CDH13: variants seen among roughly 807,000 people sequenced by gnomAD.
The protein encoded by CDH13 is cadherin-13.
In CDH13, 24 loss-of-function variants were observed where a neutral mutation model predicts 63.8. That is an observed-to-expected ratio of 0.38 (90% CI 0.27 to 0.53). CDH13 has a LOEUF of 0.53. Among genes scored for constraint, CDH13 ranks in the 20% least tolerant of loss-of-function variants. The pLI is 0.85. For missense variants in CDH13, 1,049 were observed against 903.1 expected, an observed-to-expected ratio of 1.16 and a Z score of -2.07; for synonymous variants, 503 against 355.3, an observed-to-expected ratio of 1.42 and a Z score of -4.67.
chr16:82,636,955 T>C (rs183816458), intron 1 of CDH13, among the ~76,000 whole-genome samples: 3 of 152,284 alleles, frequency 2.0e-5, no homozygotes, highest in East Asian at 3.9e-4. Context: ...ACCCCCTCAC[T>C]CGTGGTATGA....
In CDH13 at chr16:83,226,660, G is replaced by A. The variant is rs374985052; in HGVS notation, c.636+9163G>A. Among the ~76,000 whole-genome samples the A allele has an allele frequency of 1.1e-4, 16 of 152,274 alleles. No homozygotes were observed. The East Asian group carries it at 1.4e-3, about 13-fold the overall frequency. ...GGCGGCATTTTCTTTCCCAAGGTGC[G>A]GAAGCATCGCAATACATTGGGACTG... On this transcript the variant is annotated intron_variant, in intron 5 of 13. Transcript: ENST00000567109.
At chr16:83,364,107 G>A (rs911337940) in intron 6 of CDH13, among the ~76,000 whole-genome samples, 2 of 152,154 alleles carry the variant, frequency 1.3e-5, no homozygotes, top group African/African-American at 4.8e-5. Context: ...AAATGTCAAC[G>A]CAAGAATTTT....
intron 1 of CDH13, among the ~76,000 whole-genome samples, chr16:82,667,613 C>A (rs551601845): frequency 1.3e-5 from 2 of 152,158 alleles, no homozygotes; most frequent in Admixed American, 6.5e-5. Flanking sequence ...TCTGATGTCA[C>A]GTTGCCCCTA....
chr16:82,640,972 AG>A (rs1356243258), intron 1 of CDH13, among the ~76,000 whole-genome samples: 1 of 152,182 alleles, frequency 6.6e-6, no homozygotes, highest in Non-Finnish European at 1.5e-5. Flanking sequence ...AATTGGGTTC[AG>A]GGGGTTAAGT....
intron 1 of CDH13, among the ~76,000 whole-genome samples, chr16:82,777,371 G>A (rs528628890): frequency 8.5e-5 from 13 of 152,176 alleles, no homozygotes; most frequent in Non-Finnish European, 1.5e-4. Flanking sequence ...ACTAAACCCA[G>A]TTCCTTTGGG....
chr16:83,271,684 C>T (rs562426302), intron 5 of CDH13, among the ~76,000 whole-genome samples: 3 of 151,974 alleles, frequency 2.0e-5, no homozygotes, highest in East Asian at 1.9e-4. Flanking sequence ...CACTTGTGAG[C>T]CAGCATTATT....
chr16:83,260,937 A>G (rs1472630786), intron 5 of CDH13, among the ~76,000 whole-genome samples: 1 of 152,110 alleles, frequency 6.6e-6, no homozygotes, highest in Non-Finnish European at 1.5e-5. Context: ...GCGGCCATGT[A>G]TCGGGGGAGC....
chr16:83,625,616 C>G (rs1460420766), intron 8 of CDH13, among the ~76,000 whole-genome samples: 1 of 152,176 alleles, frequency 6.6e-6, no homozygotes, highest in Admixed American at 6.5e-5. Flanking sequence ...TTGTGCCGCT[C>G]TTTTTCCTCC....
At chr16:82,891,992 T>C (rs2041097325) in intron 2 of CDH13, among the ~76,000 whole-genome samples, 1 of 152,188 alleles carries the variant, frequency 6.6e-6, no homozygotes, top group Admixed American at 6.5e-5. Flanking sequence ...TCTTGCCCAG[T>C]TGGGGCTGCA....
intron 6 of CDH13, among the ~76,000 whole-genome samples, chr16:83,424,291 G>C (rs113627268): frequency 1.1e-4 from 17 of 150,266 alleles, no homozygotes; most frequent in East Asian, 3.9e-4. Context: ...ACATGGACTG[G>C]ACAGTCTAGA....
At chr16:83,141,488 A>T (rs1398375387) in intron 4 of CDH13, among the ~76,000 whole-genome samples, 5 of 152,062 alleles carry the variant, frequency 3.3e-5, no homozygotes, top group African/African-American at 9.7e-5. Context: ...GTGTTCTTAG[A>T]GGTTGATTTT....
chr16:83,218,287 C>A (rs1237743359), intron 5 of CDH13, among the ~76,000 whole-genome samples: 1 of 152,176 alleles, frequency 6.6e-6, no homozygotes, highest in Admixed American at 6.5e-5. Flanking sequence ...AAAGTCCCCA[C>A]CCTCCAGCAG....
chr16:83,716,193 T>A (rs1048576739), intron 10 of CDH13, among the ~76,000 whole-genome samples: 3 of 152,022 alleles, frequency 2.0e-5, no homozygotes, highest in East Asian at 3.9e-4. Flanking sequence ...CCCCCACACA[T>A]GCACAGCCTC....
chr16:83,518,117 T>G (rs1450775113), intron 7 of CDH13, among the ~76,000 whole-genome samples: 1 of 150,186 alleles, frequency 6.7e-6, no homozygotes, highest in East Asian at 2.0e-4. Context: ...CTCATGATAA[T>G]GAGTGAGATA....
intron 8 of CDH13, among the ~76,000 whole-genome samples, chr16:83,634,866 T>C (rs942480225): frequency 2.0e-5 from 3 of 152,210 alleles, no homozygotes; most frequent in African/African-American, 7.2e-5. Flanking sequence ...TGTTGCTAGA[T>C]TGAAGCTACT....
At chr16:83,634,154 T>TGTGC (rs1911043865) in intron 8 of CDH13, among the ~76,000 whole-genome samples, 1 of 149,416 alleles carries the variant, frequency 6.7e-6, no homozygotes, top group Non-Finnish European at 1.5e-5. Flanking sequence ...TGTGTGTGTG[T>TGTGC]GTGTGTGGTC....
intron 3 of CDH13, among the ~76,000 whole-genome samples, chr16:83,095,941 G>C (rs777570272): frequency 4.6e-5 from 7 of 152,192 alleles, no homozygotes; most frequent in Non-Finnish European, 1.0e-4. Flanking sequence ...CAGGGGATCT[G>C]TTCAAGTTCA....
At chr16:82,998,343 C>T (rs1366972551) in intron 2 of CDH13, among the ~76,000 whole-genome samples, 1 of 152,110 alleles carries the variant, frequency 6.6e-6, no homozygotes, top group Non-Finnish European at 1.5e-5. Flanking sequence ...AAGAACATAG[C>T]AAAAAAGCAT....
At chr16:82,681,211 T>C (rs1054574676) in intron 1 of CDH13, among the ~76,000 whole-genome samples, 1 of 152,208 alleles carries the variant, frequency 6.6e-6, no homozygotes, top group Non-Finnish European at 1.5e-5. Context: ...TTACATGCAA[T>C]AACAGGGATG....
Sources: allele counts gnomAD v4.1 joint callset (sites outside exome capture counted in the v4.1 genomes callset), GRCh38; gene constraint gnomAD v4.1.1; transcripts MANE v1.5; gene names NCBI Gene and HGNC (gene_info 2026-07-23, HGNC 2026-07-21).